KLF8: variants seen among roughly 807,000 people sequenced by gnomAD.
KLF8 encodes the protein KLF transcription factor 8, also known as Krueppel-like factor 8.
In KLF8, 10 loss-of-function variants were observed where a neutral mutation model predicts 18.2. That is an observed-to-expected ratio of 0.55 (90% confidence interval 0.34 to 0.93). The LOEUF is 0.93. Among genes scored for constraint, KLF8 ranks in the 40% least tolerant of loss-of-function variants. The pLI is 0.02. For missense variants in KLF8, 264 were observed against 277.9 expected (o/e 0.95, Z 0.36); for synonymous variants, 109 against 97.3 (o/e 1.12, Z -0.71).
the KLF8 span, among the ~76,000 whole-genome samples, chrX:56,087,734 A>T: frequency 1.8e-5 from 2 of 111,945 alleles, no homozygotes; most frequent in Non-Finnish European, 1.9e-5. Context: ...GTGAACAGTT[A>T]TTTTTCATTA....
At chrX:55,927,594 A>G in the KLF8 span, among the ~76,000 whole-genome samples, 1 of 112,159 alleles carries the variant, frequency 8.9e-6, no homozygotes, top group African/African-American at 3.2e-5. Flanking sequence ...TGTCAGACCT[A>G]TTAATTTTCC....
upstream of KLF8, among the ~76,000 whole-genome samples, chrX:56,228,861 G>A (rs376196569): frequency 4.5e-5 from 5 of 111,729 alleles, no homozygotes; most frequent in South Asian, 1.9e-3. Flanking sequence ...CTATGCCCTG[G>A]TTTTAGCTAC....
chrX:56,006,476 C>T, the KLF8 span, among the ~76,000 whole-genome samples: 3 of 112,159 alleles, frequency 2.7e-5, no homozygotes, highest in African/African-American at 9.7e-5. Context: ...CAGAGTGTAC[C>T]AATCTTTCTG....
the KLF8 span, among the ~76,000 whole-genome samples, chrX:55,934,746 A>G: frequency 2.9e-4 from 33 of 112,505 alleles, no homozygotes; most frequent in African/African-American, 1.0e-3. Context: ...CATTAAGAAA[A>G]GTATTGTTTG....
intron 1 of KLF8, among the ~76,000 whole-genome samples, chrX:56,245,750 A>G (rs1183615684): frequency 9.0e-6 from 1 of 111,193 alleles, no homozygotes; most frequent in Non-Finnish European, 1.9e-5. Flanking sequence ...ATATACTATA[A>G]CCCCCTTTTG....
At chrX:55,994,242 TC>T in the KLF8 span, among the ~76,000 whole-genome samples, 8,474 of 101,315 alleles carry the variant, frequency 0.084, 918 homozygotes, top group African/African-American at 0.28. Context: ...TTTTTTTTTT[TC>T]TTTTGTATTT....
At chrX:56,179,116 G>A in the KLF8 span, among the ~76,000 whole-genome samples, 746 of 111,986 alleles carry the variant, frequency 6.7e-3, 7 homozygotes, top group African/African-American at 0.023. Flanking sequence ...CTATCCATTA[G>A]CGTGGAATGT....
chrX:56,128,949 C>CA, the KLF8 span, among the ~76,000 whole-genome samples: 3 of 87,053 alleles, frequency 3.4e-5, no homozygotes, highest in Non-Finnish European at 7.7e-5. Flanking sequence ...CTGCAATGTG[C>CA]AAAAAAGTGT....
the KLF8 span, among the ~76,000 whole-genome samples, chrX:56,151,777 T>G: frequency 1.8e-5 from 2 of 111,214 alleles, no homozygotes; most frequent in African/African-American, 6.5e-5. Context: ...GAATACAGTG[T>G]TCATATACAT....
chrX:56,190,479 A>T, the KLF8 span, among the ~76,000 whole-genome samples: 1 of 111,737 alleles, frequency 8.9e-6, no homozygotes, highest in Non-Finnish European at 1.9e-5. Flanking sequence ...GATCACATAA[A>T]TCTAATAAAT....
chrX:56,087,767 T>G, the KLF8 span, among the ~76,000 whole-genome samples: 1 of 112,074 alleles, frequency 8.9e-6, no homozygotes, highest in Non-Finnish European at 1.9e-5. Context: ...CTCTTTGAAA[T>G]GAAAAATAGC....
At chrX:55,999,285 A>ATTTTTTTTTTTTTTTTTTTTT in the KLF8 span, among the ~76,000 whole-genome samples, 101 of 33,430 alleles carry the variant, frequency 3.0e-3, 14 homozygotes, top group Non-Finnish European at 3.5e-3. Context: ...ATGCCTCCAG[A>ATTTTTTTTTTTTTTTTTTTTT]TTTTTTTTTT....
chrX:56,098,886 G>T, the KLF8 span, among the ~76,000 whole-genome samples: 74 of 112,077 alleles, frequency 6.6e-4, no homozygotes, highest in Non-Finnish European at 2.8e-4. Flanking sequence ...AAGTAATTTT[G>T]CAGGATACAA....
the KLF8 span, among the ~76,000 whole-genome samples, chrX:56,184,001 G>A: frequency 9.0e-6 from 1 of 111,212 alleles, no homozygotes; most frequent in African/African-American, 3.3e-5. Flanking sequence ...ATCTCACTAG[G>A]GAGTGCCAGA....
the KLF8 span, among the ~76,000 whole-genome samples, chrX:56,116,555 G>T: frequency 1.9e-3 from 202 of 106,286 alleles, 2 homozygotes; most frequent in African/African-American, 6.8e-3. Context: ...CTGGATGTGG[G>T]ATTTTTTCCC....
At chrX:56,161,368 A>C in the KLF8 span, among the ~76,000 whole-genome samples, 2 of 111,681 alleles carry the variant, frequency 1.8e-5, no homozygotes, top group Non-Finnish European at 3.8e-5. Flanking sequence ...AGTGTTTTCC[A>C]ACTTGGTTCC....
chrX:56,187,268 T>A, the KLF8 span, among the ~76,000 whole-genome samples: 1 of 110,981 alleles, frequency 9.0e-6, no homozygotes, highest in African/African-American at 3.3e-5. Flanking sequence ...AACTAGAAAA[T>A]CTAGAAGAAA....
At chrX:56,167,354 T>A in the KLF8 span, among the ~76,000 whole-genome samples, 3 of 111,605 alleles carry the variant, frequency 2.7e-5, no homozygotes, top group Admixed American at 1.9e-4. Flanking sequence ...GGTCTCAAAC[T>A]CCTGACCTCA....
At chrX:56,017,835 C>T in the KLF8 span, among the ~76,000 whole-genome samples, 1 of 111,687 alleles carries the variant, frequency 9.0e-6, no homozygotes, top group African/African-American at 3.3e-5. Flanking sequence ...CCTCTTCTCC[C>T]AATATATCTG....
Sources: gnomAD v4.1 joint callset for allele counts (sites outside exome capture counted in the v4.1 genomes callset) on GRCh38, gnomAD v4.1.1 for gene constraint, MANE v1.5 for transcripts, NCBI Gene and HGNC (gene_info 2026-07-23, HGNC 2026-07-21) for gene names.